The following KLHL17 variants were observed in gnomAD, a reference collection of about 807,000 sequenced individuals.
KLHL17 encodes the protein kelch-like protein 17.
In KLHL17, 71 loss-of-function variants were observed where a neutral mutation model predicts 64.6. The ratio of observed to expected loss-of-function variants is 1.10; its 90% CI spans 0.91 to 1.34. The LOEUF (loss-of-function observed/expected upper bound fraction) is 1.34. Ranked by LOEUF, KLHL17 falls within the 40% of genes most tolerant of loss-of-function variation. KLHL17 has a pLI of 0.00. For missense variants in KLHL17, 1,140 were observed against 935.0 expected (o/e 1.22, Z -2.86); for synonymous variants, 612 against 405.4 (o/e 1.51, Z -6.12).
Position 965,073 on chromosome 1 carries a change from G to A in KLHL17, c.1811G>A (p.Trp604Ter). ...IEKYNPRTNK[W>*]VAASCMFTRR... ...AAGTACAACCCGAGGACCAACAAGT[G>A]GGTGGCCGCATCCTGCATGTTCACC... Residue 604 changes from tryptophan (W) to a stop codon, truncating the protein, a stop_gained, in exon 12 of 12, where the codon TGG becomes TAG. Coordinates refer to ENST00000338591, the MANE Select transcript of KLHL17 (RefSeq NM_198317.3). LOFTEE classifies it high-confidence loss of function. 6.2e-7 allele frequency: 1 copy of A among 1,612,630 alleles called. No homozygotes were observed. Among genetic ancestry groups the A allele is most frequent in the Non-Finnish European group, 8.5e-7 (1 of 1,179,796 alleles).
intron 1 of KLHL17, 133 bp downstream of exon 1, chr1:960,933 G>C (rs532448472): frequency 1.9e-4 from 124 of 667,360 alleles, no homozygotes; most frequent in Non-Finnish European, 2.3e-4. Context: ...TGCGGAGCGG[G>C]GTCGGCCCGG....
rs201008825 is a variant in KLHL17, at chr1:964,995, G to A, written c.1733G>A (p.Trp578Ter). Residue 578 changes from tryptophan to a stop codon, truncating the protein, a stop_gained, in exon 12 of 12, where the codon TGG becomes TAG. Coordinates refer to ENST00000338591, the MANE Select transcript of KLHL17 (RefSeq NM_198317.3). LOFTEE classifies it high-confidence loss of function. ...CATGACCTGGTGGCCATGGACGGAT[G>A]GTTGTACGCCGTGGGGGGTAACGAC... is the stretch of plus-strand genomic sequence containing the variant. The part of the protein sequence containing the change: ...STHDLVAMDG[W>*]LYAVGGNDGS... 5 of 1,611,764 alleles carry A rather than the reference G, an allele frequency of 3.1e-6. No homozygotes were observed. In the Admixed American group the frequency reaches 6.7e-5, roughly 22 times the overall value.
chr1:962,788 C>T lies in KLHL17; in HGVS notation c.913C>T (p.Pro305Ser). The T allele has an allele frequency of 6.2e-7, 1 of 1,611,100 alleles. No homozygotes were observed. The highest frequency in any genetic ancestry group is 1.7e-4 in the Middle Eastern group (1 of 6,056). The change falls in exon 6 of 12, where the codon CCT (proline) becomes TCT (serine). Residue 305 changes from proline to serine, a missense_variant. Transcript: ENST00000338591. ...TGCCGAGAGCCTGGTGAGGCACCAC[C>T]CTGACTGCAAGGACCTCCTCATCGA... The part of the protein sequence containing the change: ...VDAESLVRHH[P>S]DCKDLLIEAL...
rs745830549 is a variant in KLHL17, at chr1:962,017, C to G, written c.681C>G (p.Thr227=). 1.7e-5 allele frequency: 28 copies of G among 1,612,748 alleles called. No homozygotes were observed. Among genetic ancestry groups the G allele is most frequent in the Admixed American group, 5.0e-5 (3 of 60,002 alleles). The change falls in exon 4 of 12, where the codon ACC becomes ACG. Residue 227 remains threonine (T), a synonymous_variant. Coordinates refer to ENST00000338591, the MANE Select transcript of KLHL17 (RefSeq NM_198317.3). ...AGCACTTCGTGGACGTGGCCAAGAC[C>G]GAGGAGTTTATGCTGCTGCCCCTGA... The part of the protein sequence containing the change: ...VLQHFVDVAK[T]EEFMLLPLKQ...
At chr1:964,214 C>T (rs745916510) in intron 10 of KLHL17, 34 bp downstream of exon 10, 40 of 1,610,000 alleles carry the variant, frequency 2.5e-5, no homozygotes, top group Middle Eastern at 1.7e-4. Flanking sequence ...CACCCCCTCC[C>T]GTGCGCCGCG....
intron 6 of KLHL17, 85 bp downstream of exon 6, chr1:963,002 C>T (rs1393942117): frequency 2.0e-6 from 3 of 1,529,560 alleles, no homozygotes; most frequent in African/African-American, 1.4e-5. Flanking sequence ...CCGGTCAGGT[C>T]CTGACCTGCC....
chr1:964,055 G>T, intron 9 of KLHL17, 47 bp downstream of exon 9: 1 of 1,612,414 alleles, frequency 6.2e-7, no homozygotes, highest in Non-Finnish European at 8.5e-7. Flanking sequence ...TTCCCCCACC[G>T]TGGAGACCCC....
In KLHL17 at chr1:961,932, G is replaced by A; in HGVS notation, c.596G>A (p.Gly199Asp). Residue 199 changes from glycine to aspartate, a missense_variant, in exon 4 of 12, where the codon GGC becomes GAC. Gly to Asp is a moderately conservative substitution (Grantham distance 94). Transcript: ENST00000338591. ...LDPSNCLGIR[G>D]FADAHSCSDL... ...CCCTCCAACTGCCTGGGTATCCGGG[G>A]CTTTGCCGATGCGCACTCCTGCAGC... The A allele has an allele frequency of 2.5e-6, 4 of 1,612,932 alleles. No individual in the cohort carries two copies. Among genetic ancestry groups the A allele is most frequent in the Non-Finnish European group, 3.4e-6 (4 of 1,180,008 alleles).
At chr1:962,149 A>C (rs1012856809) in intron 4 of KLHL17, 102 bp downstream of exon 4, 18 of 1,190,904 alleles carry the variant, frequency 1.5e-5, no homozygotes, top group Non-Finnish European at 2.0e-5. Context: ...CCCTGCCCAC[A>C]ATCCTTAGTG....
In KLHL17 at chr1:963,413, A is replaced by G; in HGVS notation, c.1264A>G (p.Met422Val). The G allele has an allele frequency of 6.2e-7, 1 of 1,612,654 alleles. No homozygotes were observed. Among genetic ancestry groups the G allele is most frequent in the Non-Finnish European group, 8.5e-7 (1 of 1,179,862 alleles). ...TAACACGTGGCAGCCGGAGGTGTCC[A>G]TGGGCACAAGGCGAAGCTGCCTGGG... is the stretch of plus-strand genomic sequence containing the variant. ...VTNTWQPEVSMGTRRSCLGVA... is the reference protein window; with the variant it reads ...VTNTWQPEVSVGTRRSCLGVA... The change falls in exon 8 of 12, where the codon ATG becomes GTG. Residue 422 changes from methionine (M) to valine (V), a missense_variant. Transcript: ENST00000338591.
rs375392467 is a variant in KLHL17, at chr1:962,379, A to G, written c.736A>G (p.Ser246Gly). ...GGTTCTGGAACTGGTCTCTAGCGAC[A>G]GCCTGAACGTGCCTTCAGAGGAGGA... ...KQVLELVSSD[S>G]LNVPSEEEVY... Residue 246 changes from serine to glycine, a missense_variant, in exon 5 of 12, where the codon AGC (serine) becomes GGC (glycine). Ser to Gly is a moderately conservative substitution (Grantham distance 56). Transcript: ENST00000338591. The G allele has an allele frequency of 1.9e-6, 3 of 1,612,660 alleles. No individual in the cohort carries two copies. The highest frequency in any genetic ancestry group is 1.6e-4 in the Middle Eastern group (1 of 6,084).
rs1642739962 is a variant in KLHL17, at chr1:963,210, G to C, written c.1144G>C (p.Val382Leu). ...VASMSTRRAR[V>L]GVAAVGNRLY... is the part of the protein sequence containing the mutation. ...CTCCATGTCCACGCGCCGGGCCCGG[G>C]TGGGAGTGGCTGCGGTGGGGAACCG... The change falls in exon 7 of 12, where the codon GTG (valine) becomes CTG (leucine). Residue 382 changes from valine (V) to leucine (L), a missense_variant. Val to Leu is a conservative substitution (Grantham distance 32). Coordinates refer to ENST00000338591, the MANE Select transcript of KLHL17 (RefSeq NM_198317.3). 1.2e-6 allele frequency: 2 copies of C among 1,607,922 alleles called. No homozygotes were observed. The highest frequency in any genetic ancestry group is 1.7e-5 in the Admixed American group (1 of 59,842).
In KLHL17 at chr1:961,436, G is replaced by A. The variant is rs1474892152; in HGVS notation, c.251G>A (p.Arg84His). 6.2e-7 allele frequency: 1 copy of A among 1,612,036 alleles called. No homozygotes were observed. Among genetic ancestry groups the A allele is most frequent in the African/African-American group, 1.3e-5 (1 of 75,066 alleles). The change falls in exon 2 of 12, where the codon CGC (arginine) becomes CAC (histidine). Residue 84 changes from arginine (R) to histidine (H), a missense_variant. Arg to His is a conservative substitution (Grantham distance 29). Transcript: ENST00000338591. ...CACGATGCCTTCGTGGCCATGAGCC[G>A]CATGCGCCAGCGCGGCCTCCTGTGC... ...HYHDAFVAMS[R>H]MRQRGLLCDI...
rs367750669 is a variant in KLHL17, at chr1:962,380, G to T, written c.737G>T (p.Ser246Ile). The T allele has an allele frequency of 2.5e-6, 4 of 1,612,780 alleles. No individual in the cohort carries two copies. Reference protein sequence around the residue: ...KQVLELVSSDSLNVPSEEEVY... With the variant: ...KQVLELVSSDILNVPSEEEVY... ...GTTCTGGAACTGGTCTCTAGCGACA[G>T]CCTGAACGTGCCTTCAGAGGAGGAG... The change falls in exon 5 of 12, where the codon AGC becomes ATC. Residue 246 changes from serine to isoleucine, a missense_variant. Ser to Ile is a moderately radical substitution (Grantham distance 142, BLOSUM62 -2). Coordinates refer to ENST00000338591, the MANE Select transcript of KLHL17 (RefSeq NM_198317.3).
chr1:963,544 T>G (rs572603528), intron 8 of KLHL17, 40 bp downstream of exon 8: 2 of 1,560,028 alleles, frequency 1.3e-6, no homozygotes, highest in East Asian at 2.3e-5. Flanking sequence ...GTACAGTCCA[T>G]CTGCAAGAGG....
At position 962,964 on chromosome 1, in the gene KLHL17, C is replaced by G; in HGVS notation, c.1042+47C>G. 2.6e-6 allele frequency: 4 copies of G among 1,519,462 alleles called. 1 individual carries two copies. In the South Asian group the frequency reaches 3.7e-5, roughly 14 times the overall value. 94.1% of individuals were successfully genotyped at this position (1,519,462 alleles called of 1,614,324 possible). ...CCTCTTGCCCTGTGCCTTCTACTCC[C>G]CACCAGCACAAGCCCACCCCACCTG... On this transcript the variant is annotated intron_variant, in intron 6 of 11. Transcript: ENST00000338591.
intron 11 of KLHL17, 95 bp from the exon 12 acceptor site, chr1:964,868 C>G (rs1018641675): frequency 2.3e-5 from 24 of 1,023,348 alleles, no homozygotes; most frequent in African/African-American, 3.1e-5. Context: ...CTCCCAACCT[C>G]AGCGAGCATG....
Position 962,041 on chromosome 1 carries a change from G to A in KLHL17, c.705G>A (p.Leu235=), listed in dbSNP as rs1373162593. 1 of 1,612,672 alleles carries A rather than the reference G, an allele frequency of 6.2e-7. No individual in the cohort carries two copies. Among genetic ancestry groups the A allele is most frequent in the Non-Finnish European group, 8.5e-7 (1 of 1,179,896 alleles). Reference sequence around the variant, plus strand: ...CCGAGGAGTTTATGCTGCTGCCCCTGAAACAGGTAACAGCTGGCGGGCCCA... The same window carrying A: ...CCGAGGAGTTTATGCTGCTGCCCCTAAAACAGGTAACAGCTGGCGGGCCCA... The part of the protein sequence containing the change: ...AKTEEFMLLP[L]KQVLELVSSD... Residue 235 remains leucine, a synonymous_variant, in exon 4 of 12, where the codon CTG becomes CTA. Coordinates refer to ENST00000338591, the MANE Select transcript of KLHL17 (RefSeq NM_198317.3).
chr1:964,173 A>G lies in KLHL17; in HGVS notation c.1511A>G (p.Glu504Gly). 1 of 1,612,594 alleles carries G rather than the reference A, an allele frequency of 6.2e-7. No homozygotes were observed. The highest frequency in any genetic ancestry group is 8.5e-7 in the Non-Finnish European group (1 of 1,179,872). Residue 504 changes from glutamate to glycine, a missense_variant, in exon 10 of 12, where the codon GAG (glutamate) becomes GGG (glycine). Glu to Gly is a moderately conservative substitution (Grantham distance 98). Transcript: ENST00000338591. ...SSHLATVEKY[E>G]PQVNVWSPVA... Reference sequence around the variant, plus strand: ...CACCTGGCCACTGTGGAGAAGTATGAGCCCCAGGTGCATAGTGCACCCCTC... The same window carrying G: ...CACCTGGCCACTGTGGAGAAGTATGGGCCCCAGGTGCATAGTGCACCCCTC...
Sources: allele counts gnomAD v4.1 joint callset, GRCh38; gene constraint gnomAD v4.1.1; transcripts MANE v1.5; gene names NCBI Gene and HGNC (gene_info 2026-07-23, HGNC 2026-07-21).